NDUFAF2: variants seen among roughly 807,000 people sequenced by gnomAD.
The protein encoded by NDUFAF2 is NADH:ubiquinone oxidoreductase complex assembly factor 2.
NDUFAF2 carries 13 observed loss-of-function variants against 22.8 expected under a neutral mutation model. The ratio of observed to expected loss-of-function variants is 0.57; its 90% CI spans 0.37 to 0.91. The LOEUF (loss-of-function observed/expected upper bound fraction) is 0.91, where lower values mean the gene tolerates loss of function less well. Among genes scored for constraint, NDUFAF2 ranks in the 40% least tolerant of loss-of-function variants. NDUFAF2 has a pLI of 0.01. For synonymous variants in NDUFAF2, 53 were observed against 64.2 expected (o/e 0.83, Z 0.84); for missense variants, 162 against 195.2 (o/e 0.83, Z 1.01).
intron 1 of NDUFAF2, among the ~76,000 whole-genome samples, chr5:61,010,491 A>G (rs574429076): frequency 2.6e-4 from 40 of 151,934 alleles, no homozygotes; most frequent in Non-Finnish European, 5.0e-4. Context: ...TCTTCCATTT[A>G]GCTAACCTCT....
chr5:60,998,790 A>G (rs997609310), intron 1 of NDUFAF2, among the ~76,000 whole-genome samples: 15 of 146,002 alleles, frequency 1.0e-4, no homozygotes, highest in African/African-American at 2.0e-4. Context: ...AAAAATTTTT[A>G]TCAATTGTTC....
At chr5:61,110,780 C>G (rs1247447723) in intron 3 of NDUFAF2, among the ~76,000 whole-genome samples, 4 of 151,714 alleles carry the variant, frequency 2.6e-5, no homozygotes, top group Non-Finnish European at 5.9e-5. Flanking sequence ...TGTTGTTGGT[C>G]TTTTGTATTC....
At chr5:61,009,925 G>A (rs1057055990) in intron 1 of NDUFAF2, among the ~76,000 whole-genome samples, 11 of 152,058 alleles carry the variant, frequency 7.2e-5, no homozygotes, top group Admixed American at 4.6e-4. Flanking sequence ...AGTATTTCTT[G>A]TCTTAATAAA....
chr5:60,980,962 A>G (rs940727644), intron 1 of NDUFAF2, among the ~76,000 whole-genome samples: 4 of 152,162 alleles, frequency 2.6e-5, no homozygotes, highest in African/African-American at 7.2e-5. Flanking sequence ...CATAAGGGCA[A>G]ATCTGAGACT....
At position 61,106,667 on chromosome 5, in the gene NDUFAF2, A is replaced by G. The variant is rs537045914; in HGVS notation, c.258+7635A>G. Among the ~76,000 whole-genome samples, 19 of 150,894 alleles carry G rather than the reference A, an allele frequency of 1.3e-4. No individual in the cohort carries two copies. In the South Asian group the frequency reaches 3.5e-3, roughly 28 times the overall value. ...TCTATCTAATTATATTTTTGTGCCC[A>G]TTAACCATTCCCACCCCCCCTAACA... On this transcript the variant is annotated intron_variant, in intron 3 of 3. Transcript: ENST00000296597.
intron 3 of NDUFAF2, among the ~76,000 whole-genome samples, chr5:61,149,022 G>A (rs1741189506): frequency 6.6e-6 from 1 of 152,136 alleles, no homozygotes; most frequent in Non-Finnish European, 1.5e-5. Context: ...CCAGGCTGGA[G>A]TGCAGTGGCG....
At chr5:60,981,090 C>A (rs1750971348) in intron 1 of NDUFAF2, among the ~76,000 whole-genome samples, 1 of 151,996 alleles carries the variant, frequency 6.6e-6, no homozygotes, top group Non-Finnish European at 1.5e-5. Context: ...TAAGGTTATA[C>A]AACAACTAAG....
chr5:61,031,687 CGTGTGCAT>C, intron 1 of NDUFAF2, among the ~76,000 whole-genome samples: 1 of 152,182 alleles, frequency 6.6e-6, no homozygotes, highest in Non-Finnish European at 1.5e-5. Context: ...AGTAAACATA[CGTGTGCAT>C]GTGTCTTTAT....
rs1332114467 is a variant in NDUFAF2 at position 61,056,876 on chromosome 5, G to A, written c.128-16249G>A. ...TGCACTCCAGCCTGGGCAACAGAAC[G>A]ACACTCTGTCTCCAAAAAAAAAAAA... is the stretch of plus-strand genomic sequence containing the variant. On this transcript the variant is annotated intron_variant, in intron 1 of 3. Transcript: ENST00000296597. Among the ~76,000 whole-genome samples, 119 of 88,886 alleles carry A rather than the reference G, an allele frequency of 1.3e-3. 1 individual carries two copies. Among genetic ancestry groups the A allele is most frequent in the African/African-American group, 5.4e-3 (115 of 21,466 alleles). The allele number at this position is 88,886 out of a possible 152,430, so 58.3% of individuals were successfully genotyped here. A position where few individuals can be genotyped will look rare whatever the true frequency, so the allele number is the denominator to read the frequency against.
chr5:61,071,797 A>G (rs902449767), intron 1 of NDUFAF2, among the ~76,000 whole-genome samples: 17 of 152,192 alleles, frequency 1.1e-4, no homozygotes, highest in African/African-American at 4.1e-4. Flanking sequence ...CTTGTTAAAT[A>G]GTAGGAAGTA....
chr5:61,126,022 C>G (rs1338976964), intron 3 of NDUFAF2, among the ~76,000 whole-genome samples: 1 of 151,946 alleles, frequency 6.6e-6, no homozygotes, highest in Non-Finnish European at 1.5e-5. Flanking sequence ...AGATCCATTT[C>G]TGAGGGAAGG....
intron 2 of NDUFAF2, among the ~76,000 whole-genome samples, chr5:61,078,402 GAAGA>G (rs1467849259): frequency 2.0e-5 from 3 of 152,140 alleles, no homozygotes; most frequent in African/African-American, 4.8e-5. Context: ...TCTGTTTTAA[GAAGA>G]AAGACATGGA....
rs75647839 is a variant in NDUFAF2, at chr5:61,137,408, A to C, written c.259-15296A>C. Reference sequence around the variant, plus strand: ...GGAGTTTATATTCTAGTCAAGCCATATAAACAAATACATAAATAATAAGGA... The same window carrying C: ...GGAGTTTATATTCTAGTCAAGCCATCTAAACAAATACATAAATAATAAGGA... On this transcript the variant is annotated intron_variant, in intron 3 of 3. Coordinates refer to ENST00000296597, the MANE Select transcript of NDUFAF2 (RefSeq NM_174889.5). 5.8e-3 allele frequency among the ~76,000 whole-genome samples: 879 copies of C among 152,354 alleles called. 9 individuals are homozygous for C. The highest frequency in any genetic ancestry group is 0.02 in the African/African-American group (825 of 41,580).
chr5:60,972,773 G>GT (rs35076688), intron 1 of NDUFAF2, among the ~76,000 whole-genome samples: 46,731 of 103,434 alleles, frequency 0.45, 9,388 homozygotes, highest in East Asian at 0.74. Context: ...TGTGTATTCT[G>GT]TTTTTTTTTT....
chr5:61,079,602 A>G (rs999601735), intron 2 of NDUFAF2, among the ~76,000 whole-genome samples: 3 of 152,234 alleles, frequency 2.0e-5, no homozygotes, highest in African/African-American at 4.8e-5. Context: ...CTTGAATAGA[A>G]AAGATTAGAG....
chr5:61,019,442 G>A (rs1751550902), intron 1 of NDUFAF2, among the ~76,000 whole-genome samples: 1 of 151,650 alleles, frequency 6.6e-6, no homozygotes, highest in African/African-American at 2.4e-5. Context: ...CCCTTTCCTT[G>A]GAGGGTTGAT....
intron 1 of NDUFAF2, among the ~76,000 whole-genome samples, chr5:61,046,648 T>C (rs999593939): frequency 2.6e-5 from 4 of 152,182 alleles, no homozygotes; most frequent in African/African-American, 7.2e-5. Context: ...GTTAAGAATT[T>C]GCATATGTGT....
At chr5:61,036,665 A>G (rs574834213) in intron 1 of NDUFAF2, among the ~76,000 whole-genome samples, 1 of 152,212 alleles carries the variant, frequency 6.6e-6, no homozygotes, top group South Asian at 2.1e-4. Context: ...TACTGGAAGG[A>G]TGACAGCAGG....
chr5:60,986,031 G>C (rs1356655326), intron 1 of NDUFAF2, among the ~76,000 whole-genome samples: 1 of 152,206 alleles, frequency 6.6e-6, no homozygotes, highest in Non-Finnish European at 1.5e-5. Flanking sequence ...GGGACCCCAT[G>C]TACCATGCTG....
Sources: gnomAD v4.1 joint callset for allele counts (sites outside exome capture counted in the v4.1 genomes callset) on GRCh38, gnomAD v4.1.1 for gene constraint, MANE v1.5 for transcripts, NCBI Gene and HGNC (gene_info 2026-07-23, HGNC 2026-07-21) for gene names.